Variants in ALDH4A1 observed in about 807,000 individuals in gnomAD.
The protein encoded by ALDH4A1 is aldehyde dehydrogenase 4 family member A1.
In ALDH4A1, 46 loss-of-function variants were observed where a neutral mutation model predicts 70.5. The ratio of observed to expected loss-of-function variants is 0.65; its 90% CI spans 0.51 to 0.83. ALDH4A1 has a LOEUF of 0.83. Ranked by LOEUF, ALDH4A1 falls within the 40% of genes least tolerant of loss-of-function variation. ALDH4A1 has a pLI of 0.00. For missense variants in ALDH4A1, 749 were observed against 766.5 expected (o/e 0.98, Z 0.27); for synonymous variants, 323 against 324.3 (o/e 1.00, Z 0.04).
intron 1 of ALDH4A1, among the ~76,000 whole-genome samples, chr1:18,900,515 T>C (rs1569809615): frequency 6.6e-6 from 1 of 151,704 alleles, no homozygotes; most frequent in Non-Finnish European, 1.5e-5. Flanking sequence ...AGGGCCAGGG[T>C]TTTTTTCGTA....
intron 5 of ALDH4A1, among the ~76,000 whole-genome samples, chr1:18,884,696 A>C (rs1022922508): frequency 3.9e-5 from 6 of 152,186 alleles, no homozygotes; most frequent in African/African-American, 1.4e-4. Context: ...AGTACCTAGG[A>C]ACTCAATACA....
chr1:18,902,552 G>T lies in ALDH4A1; in HGVS notation c.-29C>A. 1 of 1,472,920 alleles carries T rather than the reference G, an allele frequency of 6.8e-7. No individual in the cohort carries two copies. The highest frequency in any genetic ancestry group is 9.0e-7 in the Non-Finnish European group (1 of 1,110,602). 91.2% of individuals were successfully genotyped at this position (1,472,920 alleles called of 1,614,324 possible). On this transcript the variant is annotated 5_prime_UTR_variant, in exon 1 of 15. Transcript: ENST00000375341. The stretch of plus-strand genomic sequence containing the variant: ...GGGTTAGAAGCGGGGCTGTTCGCTG[G>T]ATCGTCCGCCCGGGCGCGGCGAGAA...
Position 18,872,637 on chromosome 1 carries a change from T to G in ALDH4A1, c.*208A>C. The G allele has an allele frequency of 3.7e-6, 2 of 538,924 alleles. No individual in the cohort carries two copies. The highest frequency in any genetic ancestry group is 2.4e-5 in the South Asian group (1 of 42,204). The allele number at this position is 538,924 out of a possible 1,614,324, so 33.4% of individuals were successfully genotyped here. On this transcript the variant is annotated 3_prime_UTR_variant, in exon 15 of 15. Transcript: ENST00000375341. ...CCCACATGGCCGATGGGATAAGGGG[T>G]AGTGGCCATGTTCCTCCCCAGCACG...
At chr1:18,889,248 G>C (rs192064368) in intron 3 of ALDH4A1, 114 bp downstream of exon 3, 76 of 939,354 alleles carry the variant, frequency 8.1e-5, no homozygotes, top group Non-Finnish European at 1.2e-4. Flanking sequence ...GGTGGGGAGG[G>C]GCACTATAAA....
intron 1 of ALDH4A1, chr1:18,897,181 T>C (rs958537484): frequency 1.1e-5 from 5 of 469,514 alleles, no homozygotes; most frequent in Non-Finnish European, 1.8e-5. Context: ...TTTTGGACTT[T>C]GGAACTTGGG....
At chr1:18,891,751 G>T (rs543914546) in intron 1 of ALDH4A1, among the ~76,000 whole-genome samples, 1 of 152,170 alleles carries the variant, frequency 6.6e-6, no homozygotes, top group Admixed American at 6.5e-5. Flanking sequence ...GAGAAGGCCC[G>T]GCATGGTGGC....
Position 18,896,892 on chromosome 1 carries a change from C to CA in ALDH4A1, c.62+5569dup, listed in dbSNP as rs372356973. 9.2e-3 allele frequency among the ~76,000 whole-genome samples: 1,101 copies of CA among 119,766 alleles called. 14 individuals are homozygous for CA. The highest frequency in any genetic ancestry group is 0.029 in the African/African-American group (937 of 32,522). The allele number at this position is 119,766 out of a possible 152,430, so 78.6% of individuals were successfully genotyped here. A position where few individuals can be genotyped will look rare whatever the true frequency, so the allele number is the denominator to read the frequency against. ...TGGGCAACAGAGTGAGACGATGTCT[C>CA]AAAAAAAAAAAAAAGAAAGAAAGAC... On this transcript the variant is annotated intron_variant, in intron 1 of 14. Transcript: ENST00000375341.
chr1:18,885,436 A>AAC, intron 5 of ALDH4A1, 37 bp downstream of exon 5: 29 of 386,864 alleles, frequency 7.5e-5, no homozygotes, highest in South Asian at 2.4e-4. Context: ...CTCCCACCCC[A>AAC]CCCCGCCCCA....
intron 1 of ALDH4A1, 36 bp downstream of exon 1, chr1:18,902,426 C>T: frequency 7.6e-7 from 1 of 1,309,390 alleles, no homozygotes. Context: ...GCCCCAGGCG[C>T]GCGCTCGGGC....
Position 18,882,750 on chromosome 1 carries a change from C to T in ALDH4A1, c.678+374G>A, listed in dbSNP as rs959168206. 3.8e-5 allele frequency: 22 copies of T among 573,706 alleles called. 1 individual carries two copies. The highest frequency in any genetic ancestry group is 1.9e-4 in the Admixed American group (10 of 52,290). The allele number at this position is 573,706 out of a possible 1,614,324, so 35.5% of individuals were successfully genotyped here. A position where few individuals can be genotyped will look rare whatever the true frequency, so the allele number is the denominator to read the frequency against. ...GCACGTGGTGAGCACTGAAGGTCAGCGGTAATGATCATCAACAGAGCCACC... is the reference window on the plus strand; with the variant it reads ...GCACGTGGTGAGCACTGAAGGTCAGTGGTAATGATCATCAACAGAGCCACC... On this transcript the variant is annotated intron_variant, in intron 7 of 14. Coordinates refer to ENST00000375341, the MANE Select transcript of ALDH4A1 (RefSeq NM_003748.4).
At chr1:18,892,663 A>G (rs996154179) in intron 1 of ALDH4A1, among the ~76,000 whole-genome samples, 8 of 146,548 alleles carry the variant, frequency 5.5e-5, no homozygotes, top group Non-Finnish European at 9.0e-5. Flanking sequence ...CCTTCTCTCC[A>G]CTCCCCTCCC....
At chr1:18,888,347 C>T (rs946465418) in intron 3 of ALDH4A1, among the ~76,000 whole-genome samples, 7 of 152,192 alleles carry the variant, frequency 4.6e-5, no homozygotes, top group East Asian at 1.9e-4. Context: ...TGCAGAACCC[C>T]GTCAGCACTA....
Position 18,872,779 on chromosome 1 carries a change from G to T in ALDH4A1, c.*66C>A. On this transcript the variant is annotated 3_prime_UTR_variant, in exon 15 of 15. Transcript: ENST00000375341. ...AAGAAGGGGTGGAGGGGCTGGAGTGGGGTCTGTGCAGTGAGGTCGGCCACC... is the reference window on the plus strand; with the variant it reads ...AAGAAGGGGTGGAGGGGCTGGAGTGTGGTCTGTGCAGTGAGGTCGGCCACC... 8.3e-7 allele frequency: 1 copy of T among 1,211,460 alleles called. No homozygotes were observed. The allele number at this position is 1,211,460 out of a possible 1,614,324, so 75.0% of individuals were successfully genotyped here. A position where few individuals can be genotyped will look rare whatever the true frequency, so the allele number is the denominator to read the frequency against.
chr1:18,882,800 C>T, intron 7 of ALDH4A1: 2 of 593,522 alleles, frequency 3.4e-6, no homozygotes, highest in African/African-American at 1.8e-5. Context: ...TCCGGGCCAG[C>T]CCTGCCTGCT....
chr1:18,876,180 G>A lies in ALDH4A1; in HGVS notation c.1338+135C>T, dbSNP rs926002834. On this transcript the variant is annotated intron_variant, in intron 12 of 14. Transcript: ENST00000375341. ...AACCTGGCTCTACTCTCTCCCGGTC[G>A]GAGGCATTCCCTTTTAGGGTCTCCC... The A allele has an allele frequency of 2.0e-5, 24 of 1,202,726 alleles. No homozygotes were observed. The East Asian group carries it at 3.8e-4, about 19-fold the overall frequency. 74.5% of individuals were successfully genotyped at this position (1,202,726 alleles called of 1,614,324 possible).
In ALDH4A1 at chr1:18,871,502, A is replaced by T. The variant is rs1045707614; in HGVS notation, c.*1343T>A. The T allele has an allele frequency of 2.0e-5, 3 of 152,192 alleles. No homozygotes were observed. Among genetic ancestry groups the T allele is most frequent in the Admixed American group, 1.3e-4 (2 of 15,268 alleles). 9.4% of individuals were successfully genotyped at this position (152,192 alleles called of 1,614,324 possible). A position where few individuals can be genotyped will look rare whatever the true frequency, so the allele number is the denominator to read the frequency against. On this transcript the variant is annotated 3_prime_UTR_variant, in exon 15 of 15. Transcript: ENST00000375341. ...CCACCTCACAGTGTAGAACCAGTAG[A>T]ACTAAGAATACTCCAGCCTGTGCCC...
rs967515082 is a variant in ALDH4A1 at position 18,898,278 on chromosome 1, T to C, written c.62+4184A>G. 6.6e-6 allele frequency among the ~76,000 whole-genome samples: 1 copy of C among 152,144 alleles called. No homozygotes were observed. The highest frequency in any genetic ancestry group is 2.1e-4 in the South Asian group (1 of 4,836). Reference sequence around the variant, plus strand: ...TTGAGGCTGTAGTGAGCTGAGATCATGACACTGTACTCCAGCCTGGACAAC... The same window carrying C: ...TTGAGGCTGTAGTGAGCTGAGATCACGACACTGTACTCCAGCCTGGACAAC... On this transcript the variant is annotated intron_variant, in intron 1 of 14. Coordinates refer to ENST00000375341, the MANE Select transcript of ALDH4A1 (RefSeq NM_003748.4). This position sits in a 1 kb window ranked among gnomAD's most constrained non-coding sequence, Gnocchi z 4.3.
At position 18,877,539 on chromosome 1, in the gene ALDH4A1, G is replaced by C. The variant is rs1020074166; in HGVS notation, c.1014C>G (p.Arg338=). The C allele has an allele frequency of 3.7e-6, 6 of 1,611,922 alleles. No homozygotes were observed. In the African/African-American group the frequency reaches 5.3e-5, roughly 14 times the overall value. The part of the protein sequence containing the change: ...DVESVVSGTL[R]SAFEYGGQKC... ...TCTGGCCACCGTACTCGAAGGCTGA[G>C]CGGAGGGTCCCGCTCACCACGCTCT... The change falls in exon 10 of 15, where the codon CGC becomes CGG. Residue 338 remains arginine (R), a synonymous_variant. Coordinates refer to ENST00000375341, the MANE Select transcript of ALDH4A1 (RefSeq NM_003748.4).
rs546356109 is a variant in ALDH4A1 at position 18,876,840 on chromosome 1, G to C, written c.1185+368C>G. ...GTACATGCGTGTGGGTGGACTTATCGACATATGCGTGTGTGTGCTTATGTG... is the reference window on the plus strand; with the variant it reads ...GTACATGCGTGTGGGTGGACTTATCCACATATGCGTGTGTGTGCTTATGTG... On this transcript the variant is annotated intron_variant, in intron 11 of 14. Transcript: ENST00000375341. Among the ~76,000 whole-genome samples the C allele has an allele frequency of 2.6e-5, 4 of 152,226 alleles. No individual in the cohort carries two copies. In the South Asian group the frequency reaches 8.3e-4, roughly 32 times the overall value.
Sources: gnomAD v4.1 joint callset for allele counts (sites outside exome capture counted in the v4.1 genomes callset) on GRCh38, gnomAD v4.1.1 for gene constraint, Gnocchi (gnomAD v3.1) non-coding constraint, MANE v1.5 for transcripts, NCBI Gene and HGNC (gene_info 2026-07-23, HGNC 2026-07-21) for gene names.